NALF1: variants seen among roughly 807,000 people sequenced by gnomAD.
NALF1 encodes the protein family with sequence similarity 155 member A.
Under a neutral mutation model 48.4 loss-of-function variants are expected in NALF1, and 3 were observed. That is an observed-to-expected ratio of 0.06 (90% CI 0.03 to 0.16). The LOEUF is 0.16. NALF1 is among the 10% of genes least tolerant of loss of function. The pLI is 1.00. For missense variants in NALF1, 526 were observed against 571.5 expected, an observed-to-expected ratio of 0.92 and a Z score of 0.81; for synonymous variants, 262 against 245.7, an observed-to-expected ratio of 1.07 and a Z score of -0.62.
At chr13:107,519,905 T>C (rs368437745) in intron 1 of NALF1, among the ~76,000 whole-genome samples, 1 of 152,166 alleles carries the variant, frequency 6.6e-6, no homozygotes, top group Non-Finnish European at 1.5e-5. Context: ...CTACAGAGAA[T>C]GGACATTTTA....
Position 107,170,506 on chromosome 13 carries a change from A to T in NALF1, c.1368T>A (p.Asn456Lys). ...GINTLEENST[N>K]EE is the part of the protein sequence containing the mutation. ...GACACTCGTCCTTCCGTTACTCCTC[A>T]TTGGTTGAGTTTTCTTCCAGCGTGT... is the stretch of plus-strand genomic sequence containing the variant. The change falls in exon 3 of 3, where the codon AAT becomes AAA. Residue 456 changes from asparagine (N) to lysine (K), a missense_variant. Around this residue, in one of 2 missense-constraint regions of NALF1, gnomAD observed 153 missense variants for 215.9 expected, o/e 0.71. Coordinates refer to ENST00000375915, the MANE Select transcript of NALF1 (RefSeq NM_001080396.3). 6.3e-7 allele frequency: 1 copy of T among 1,598,146 alleles called. No individual in the cohort carries two copies. Among genetic ancestry groups the T allele is most frequent in the Non-Finnish European group, 8.5e-7 (1 of 1,170,388 alleles).
intron 1 of NALF1, among the ~76,000 whole-genome samples, chr13:107,853,528 G>GA (rs1194116292): frequency 6.6e-6 from 1 of 152,114 alleles, no homozygotes. Context: ...CTACTTTTAT[G>GA]AAACAATTGG....
intron 1 of NALF1, among the ~76,000 whole-genome samples, chr13:107,462,463 A>G (rs1435960527): frequency 2.0e-5 from 3 of 152,258 alleles, no homozygotes; most frequent in Admixed American, 6.5e-5. Context: ...TCAATTGCAT[A>G]TGAAATAAGT....
chr13:107,749,581 T>C (rs1876875365), intron 1 of NALF1, among the ~76,000 whole-genome samples: 1 of 151,876 alleles, frequency 6.6e-6, no homozygotes, highest in Non-Finnish European at 1.5e-5. Flanking sequence ...TTACATACTA[T>C]AATATACTAT....
chr13:107,174,593 G>GATCC (rs934150235), intron 2 of NALF1, among the ~76,000 whole-genome samples: 7 of 152,006 alleles, frequency 4.6e-5, no homozygotes, highest in African/African-American at 1.7e-4. Context: ...TTGACCTCGT[G>GATCC]ATCCACCCGC....
intron 2 of NALF1, among the ~76,000 whole-genome samples, chr13:107,204,053 AG>A (rs1879581864): frequency 7.1e-6 from 1 of 140,076 alleles, no homozygotes; most frequent in Non-Finnish European, 1.5e-5. Flanking sequence ...CTGGAGGCAG[AG>A]AGGGGCGCCC....
chr13:107,712,614 G>A (rs1016272581), intron 1 of NALF1, among the ~76,000 whole-genome samples: 3 of 152,190 alleles, frequency 2.0e-5, no homozygotes, highest in South Asian at 2.1e-4. Context: ...CCACAAAGCC[G>A]AGCCCCAGCT....
intron 1 of NALF1, among the ~76,000 whole-genome samples, chr13:107,629,460 C>A (rs113922677): frequency 5.9e-4 from 90 of 152,254 alleles, no homozygotes; most frequent in African/African-American, 1.8e-3. Context: ...CTAAACTATG[C>A]TTTTGATGCA....
chr13:107,780,252 C>T (rs1303978504), intron 1 of NALF1, among the ~76,000 whole-genome samples: 1 of 151,994 alleles, frequency 6.6e-6, no homozygotes. Flanking sequence ...GCCTTCCCTT[C>T]TTAATTTCCG....
intron 1 of NALF1, among the ~76,000 whole-genome samples, chr13:107,378,835 TG>T (rs1328817588): frequency 6.6e-6 from 1 of 152,178 alleles, no homozygotes; most frequent in Non-Finnish European, 1.5e-5. Context: ...AAAATATTAT[TG>T]TTGAAAAATA....
At chr13:107,264,987 AT>A (rs1881011302) in intron 1 of NALF1, among the ~76,000 whole-genome samples, 1 of 152,138 alleles carries the variant, frequency 6.6e-6, no homozygotes, top group South Asian at 2.1e-4. Context: ...TGTAGGAGAG[AT>A]TTCCTAAACA....
At chr13:107,496,004 C>A (rs1875321914) in intron 1 of NALF1, among the ~76,000 whole-genome samples, 1 of 152,058 alleles carries the variant, frequency 6.6e-6, no homozygotes, top group Non-Finnish European at 1.5e-5. Context: ...CATAAAATTA[C>A]ATATATTTTT....
intron 1 of NALF1, among the ~76,000 whole-genome samples, chr13:107,335,703 A>G (rs575093928): frequency 6.6e-6 from 1 of 152,114 alleles, no homozygotes; most frequent in Admixed American, 6.6e-5. Context: ...TTTTTGATTC[A>G]TGGGTACCAT....
At chr13:107,682,979 G>A (rs1175177561) in intron 1 of NALF1, among the ~76,000 whole-genome samples, 2 of 152,106 alleles carry the variant, frequency 1.3e-5, no homozygotes, top group African/African-American at 4.8e-5. Context: ...ATTTAAAATG[G>A]GAAGTGGGCA....
chr13:107,551,773 G>GTA (rs1190699289), intron 1 of NALF1, among the ~76,000 whole-genome samples: 1 of 151,972 alleles, frequency 6.6e-6, no homozygotes, highest in Admixed American at 6.6e-5. Flanking sequence ...AATCCTTGCA[G>GTA]TATTTCTTCT....
chr13:107,188,530 C>A (rs144937979), intron 2 of NALF1, among the ~76,000 whole-genome samples: 2 of 152,124 alleles, frequency 1.3e-5, no homozygotes, highest in African/African-American at 2.4e-5. Context: ...AAAGTCAGGG[C>A]AAATTTTAAG....
intron 1 of NALF1, among the ~76,000 whole-genome samples, chr13:107,542,336 G>A (rs896970320): frequency 2.6e-5 from 4 of 151,960 alleles, no homozygotes; most frequent in Non-Finnish European, 4.4e-5. Flanking sequence ...GGGGAGGGGG[G>A]CAATGACACT....
intron 1 of NALF1, among the ~76,000 whole-genome samples, chr13:107,388,428 CTG>C (rs1883566405): frequency 6.6e-6 from 1 of 152,156 alleles, no homozygotes; most frequent in African/African-American, 2.4e-5. Context: ...GTGCATAAAT[CTG>C]TGTTAGATTC....
intron 1 of NALF1, among the ~76,000 whole-genome samples, chr13:107,364,242 G>C (rs147022865): frequency 3.7e-4 from 57 of 152,256 alleles, no homozygotes; most frequent in African/African-American, 1.3e-3. Context: ...ATCTAATTTT[G>C]ATCTAATCAT....
Sources: allele counts gnomAD v4.1 joint callset (sites outside exome capture counted in the v4.1 genomes callset), GRCh38; gene constraint gnomAD v4.1.1; regional missense constraint gnomAD v4.1.1; transcripts MANE v1.5; gene names NCBI Gene and HGNC (gene_info 2026-07-23, HGNC 2026-07-21).